ESR1: variants seen among roughly 807,000 people sequenced by gnomAD.
ESR1 encodes estrogen receptor 1, also known as estrogen receptor.
Under a neutral mutation model 52.7 loss-of-function variants are expected in ESR1, and 12 were observed. That is an observed-to-expected ratio of 0.23 (90% CI 0.15 to 0.37). The LOEUF is 0.37. ESR1 is among the 10% of genes least tolerant of loss of function. The probability of loss-of-function intolerance (pLI) is 1.00; values close to 1 mark genes in which losing one functional copy is unlikely to be tolerated. For synonymous variants in ESR1, 305 were observed against 316.8 expected, an observed-to-expected ratio of 0.96 and a Z score of 0.39; for missense variants, 584 against 779.7, an observed-to-expected ratio of 0.75 and a Z score of 2.99.
chr6:151,765,236 T>C (rs1784957805), intron 2 of ESR1, among the ~76,000 whole-genome samples: 1 of 152,236 alleles, frequency 6.6e-6, no homozygotes, highest in Non-Finnish European at 1.5e-5. Flanking sequence ...ATTAGGAATA[T>C]TTAATCTGTA....
Position 152,097,319 on chromosome 6 carries a change from G to C in ESR1, c.1554-1413G>C, listed in dbSNP as rs548199084. On this transcript the variant is annotated intron_variant, in intron 7 of 7. Coordinates refer to ENST00000206249, the MANE Select transcript of ESR1 (RefSeq NM_000125.4). ...GAGAATTTAATATCAGATTTCATCT[G>C]ACTGTAAACGTGAATCATCAGGTTG... Among the ~76,000 whole-genome samples the C allele has an allele frequency of 2.4e-3, 362 of 152,002 alleles. 1 individual carries two copies. Among genetic ancestry groups the C allele is most frequent in the Non-Finnish European group, 4.0e-3 (271 of 67,996 alleles).
chr6:151,946,145 G>GT (rs1241699315), intron 4 of ESR1, among the ~76,000 whole-genome samples: 1 of 152,094 alleles, frequency 6.6e-6, no homozygotes. Context: ...TTATTGCCTT[G>GT]TTCTTATATT....
intron 1 of ESR1, among the ~76,000 whole-genome samples, chr6:151,692,625 G>T (rs3020336): frequency 0.41 from 61,562 of 151,970 alleles, 12,812 homozygotes; most frequent in Non-Finnish European, 0.43. Flanking sequence ...AGAAAGAGGC[G>T]CCATCTGTGA....
intron 1 of ESR1, among the ~76,000 whole-genome samples, chr6:151,696,339 G>T (rs1779338172): frequency 6.6e-6 from 1 of 152,020 alleles, no homozygotes; most frequent in Non-Finnish European, 1.5e-5. Context: ...GGACATGGTG[G>T]TGCATGCCTG....
intron 6 of ESR1, among the ~76,000 whole-genome samples, chr6:152,084,234 G>A (rs1390390816): frequency 1.3e-5 from 2 of 148,754 alleles, no homozygotes; most frequent in African/African-American, 5.0e-5. Flanking sequence ...AGAACACATG[G>A]ACACAGCACA....
chr6:151,690,063 A>G (rs1778842403), upstream of ESR1, among the ~76,000 whole-genome samples: 1 of 152,186 alleles, frequency 6.6e-6, no homozygotes, highest in Admixed American at 6.5e-5. Context: ...AACCTCATTA[A>G]TCGGTAACAA....
intron 2 of ESR1, among the ~76,000 whole-genome samples, chr6:151,711,879 T>C (rs1387394319): frequency 6.6e-6 from 1 of 152,232 alleles, no homozygotes; most frequent in Non-Finnish European, 1.5e-5. Context: ...ATTTTGCCTT[T>C]TGTTGCCATT....
At chr6:151,805,845 C>G (rs1777757536), upstream of ESR1, 1 of 152,248 alleles carries the variant, frequency 6.6e-6, no homozygotes, top group Non-Finnish European at 1.5e-5. Flanking sequence ...ATTTCTCTCT[C>G]TGTAGCTTTA....
intron 2 of ESR1, among the ~76,000 whole-genome samples, chr6:151,737,144 C>T (rs533574413): frequency 6.6e-6 from 1 of 152,192 alleles, no homozygotes; most frequent in South Asian, 2.1e-4. Context: ...TTTTTTTCAG[C>T]TACATAATGT....
At chr6:151,892,670 T>C (rs1293589694) in intron 3 of ESR1, among the ~76,000 whole-genome samples, 2 of 151,782 alleles carry the variant, frequency 1.3e-5, no homozygotes, top group Non-Finnish European at 2.9e-5. Context: ...GACTTTCTAG[T>C]TTCTGCCTTG....
At chr6:151,672,690 C>T (rs1778109028) in intron 1 of ESR1, among the ~76,000 whole-genome samples, 1 of 152,060 alleles carries the variant, frequency 6.6e-6, no homozygotes. Flanking sequence ...CCATCCTGGT[C>T]TTGAACTCCT....
chr6:151,678,690 T>TG (rs201661637), intron 1 of ESR1, among the ~76,000 whole-genome samples: 1,902 of 151,212 alleles, frequency 0.013, 107 homozygotes, highest in Admixed American at 0.11. Context: ...ACCACTGGTT[T>TG]TTTTTTTTTT....
chr6:152,114,047 T>C (rs916917141), intron 6 of ESR1, among the ~76,000 whole-genome samples: 1 of 152,174 alleles, frequency 6.6e-6, no homozygotes, highest in Non-Finnish European at 1.5e-5. Flanking sequence ...CCACTGTGAT[T>C]AGCAAACACC....
chr6:151,998,742 G>A (rs2041709606), intron 4 of ESR1, among the ~76,000 whole-genome samples: 1 of 152,070 alleles, frequency 6.6e-6, no homozygotes, highest in South Asian at 2.1e-4. Flanking sequence ...TACCCTTCAA[G>A]TATTTATGTT....
chr6:151,837,325 C>T (rs1783521262), intron 1 of ESR1, among the ~76,000 whole-genome samples: 1 of 152,000 alleles, frequency 6.6e-6, no homozygotes, highest in South Asian at 2.1e-4. Context: ...GTCTTGAACT[C>T]CTGACCTCAT....
chr6:151,674,735 A>G (rs557140680), intron 1 of ESR1, among the ~76,000 whole-genome samples: 45 of 152,260 alleles, frequency 3.0e-4, no homozygotes, highest in African/African-American at 1.0e-3. Context: ...CTGGCGTGAG[A>G]CGGTATTTCA....
rs1336106361 is a variant in ESR1, at chr6:152,087,340, CCT to C, written c.1370-7042_1370-7041del. On this transcript the variant is annotated intron_variant, in intron 6 of 7. Coordinates refer to ENST00000206249, the MANE Select transcript of ESR1 (RefSeq NM_000125.4). ...CACAAAAGGAGGTATACAAAACATTCCTCTGTCTTTATTCCTCTTTATACAAA... is the reference window on the plus strand; with the variant it reads ...CACAAAAGGAGGTATACAAAACATTCCTGTCTTTATTCCTCTTTATACAAA... Among the ~76,000 whole-genome samples, 4 of 152,164 alleles carry C rather than the reference CCT, an allele frequency of 2.6e-5. No homozygotes were observed. The East Asian group carries it at 7.7e-4, about 29-fold the overall frequency.
intron 2 of ESR1, among the ~76,000 whole-genome samples, chr6:151,727,033 C>A (rs1200249460): frequency 6.6e-6 from 1 of 151,992 alleles, no homozygotes; most frequent in Non-Finnish European, 1.5e-5. Flanking sequence ...TTAATCCTAA[C>A]TTGGCTAACA....
At chr6:152,054,092 T>C (rs2046910667) in intron 5 of ESR1, among the ~76,000 whole-genome samples, 1 of 152,234 alleles carries the variant, frequency 6.6e-6, no homozygotes, top group South Asian at 2.1e-4. Context: ...AAAAAACTCA[T>C]CAAATTGATA....
Sources: allele counts gnomAD v4.1 joint callset (sites outside exome capture counted in the v4.1 genomes callset), GRCh38; gene constraint gnomAD v4.1.1; transcripts MANE v1.5; gene names NCBI Gene and HGNC (gene_info 2026-07-23, HGNC 2026-07-21).